TIMM44: variants seen among roughly 807,000 people sequenced by gnomAD.
The protein encoded by TIMM44 is translocase of inner mitochondrial membrane 44.
In TIMM44, 37 loss-of-function variants were observed where a neutral mutation model predicts 63.8. That is an observed-to-expected ratio of 0.58 (90% confidence interval 0.45 to 0.76). TIMM44 has a LOEUF of 0.76. Ranked by LOEUF, TIMM44 falls within the 30% of genes least tolerant of loss-of-function variation. The probability of loss-of-function intolerance (pLI) is 0.00; values close to 1 mark genes in which losing one functional copy is unlikely to be tolerated. For missense variants in TIMM44, 573 were observed against 603.8 expected, an observed-to-expected ratio of 0.95 and a Z score of 0.54; for synonymous variants, 239 against 245.1, an observed-to-expected ratio of 0.98 and a Z score of 0.23.
At chr19:7,931,064 A>G in intron 10 of TIMM44, 74 bp downstream of exon 10, 5 of 1,454,780 alleles carry the variant, frequency 3.4e-6, no homozygotes, top group Non-Finnish European at 1.9e-6. Context: ...CAACGGAGCC[A>G]CCGAAGTGGA....
At chr19:7,929,996 C>A (rs1471926666) in intron 10 of TIMM44, among the ~76,000 whole-genome samples, 4 of 151,126 alleles carry the variant, frequency 2.6e-5, no homozygotes. Context: ...TTACAGGCGC[C>A]CACCACCAGG....
intron 3 of TIMM44, 28 bp from the exon 4 acceptor site, chr19:7,935,173 T>A: frequency 6.5e-7 from 1 of 1,539,422 alleles, no homozygotes; most frequent in Non-Finnish European, 8.9e-7. Context: ...TGTCCTTTTT[T>A]TTTTTTTTTT....
intron 3 of TIMM44, among the ~76,000 whole-genome samples, chr19:7,937,182 G>C (rs1279090906): frequency 6.6e-6 from 1 of 152,092 alleles, no homozygotes; most frequent in Non-Finnish European, 1.5e-5. Flanking sequence ...GGGAGGCTGA[G>C]GCAGGAGAAT....
chr19:7,940,101 C>T (rs1984264902), intron 2 of TIMM44, among the ~76,000 whole-genome samples: 1 of 151,918 alleles, frequency 6.6e-6, no homozygotes, highest in African/African-American at 2.4e-5. Flanking sequence ...CCCGTGGAGT[C>T]ACACACCTGT....
chr19:7,928,116 G>C lies in TIMM44; in HGVS notation c.1089C>G (p.Leu363=). Residue 363 remains leucine, a synonymous_variant, in exon 11 of 13, where the codon CTC becomes CTG. Coordinates refer to ENST00000270538, the MANE Select transcript of TIMM44 (RefSeq NM_006351.4). The stretch of plus-strand genomic sequence containing the variant: ...TGTCTAGGATGCGAGAATGGAACTG[G>C]AGACCCAGTGCCTTGGCCTGCTGGA... ...HPIQQAKALG[L]QFHSRILDID... 1 of 1,614,050 alleles carries C rather than the reference G, an allele frequency of 6.2e-7. No homozygotes were observed. Among genetic ancestry groups the C allele is most frequent in the Non-Finnish European group, 8.5e-7 (1 of 1,179,968 alleles).
At position 7,941,023 on chromosome 19, in the gene TIMM44, A is replaced by C. The variant is rs1210619920; in HGVS notation, c.141+79T>G. 1.5e-5 allele frequency: 18 copies of C among 1,162,800 alleles called. No individual in the cohort carries two copies. The South Asian group carries it at 1.8e-4, about 12-fold the overall frequency. The allele number at this position is 1,162,800 out of a possible 1,614,324, so 72.0% of individuals were successfully genotyped here. On this transcript the variant is annotated intron_variant, in intron 2 of 12. Transcript: ENST00000270538. ...TGGTACGAGCCACCTCTACAGCCCC[A>C]CCCCTCCCTCCTGCCAATGGGATCT... is the stretch of plus-strand genomic sequence containing the variant.
chr19:7,933,648 G>T lies in TIMM44; in HGVS notation c.684-78C>A. The T allele has an allele frequency of 7.2e-7, 1 of 1,393,054 alleles. No individual in the cohort carries two copies. Among genetic ancestry groups the T allele is most frequent in the Non-Finnish European group, 1.0e-6 (1 of 980,322 alleles). The allele number at this position is 1,393,054 out of a possible 1,614,324, so 86.3% of individuals were successfully genotyped here. A position where few individuals can be genotyped will look rare whatever the true frequency, so the allele number is the denominator to read the frequency against. ...GCCCTCCTGCGGCTGCAGGCAGGGG[G>T]CAGTACAGGACAGCAGGCAGCTGAG... On this transcript the variant is annotated intron_variant, in intron 6 of 12. Transcript: ENST00000270538. The surrounding 1 kb of genome is among the most constrained non-coding windows in gnomAD (Gnocchi z 4.3).
intron 3 of TIMM44, among the ~76,000 whole-genome samples, chr19:7,936,015 G>A (rs865841143): frequency 2.0e-5 from 3 of 152,162 alleles, no homozygotes; most frequent in Admixed American, 6.5e-5. Flanking sequence ...TTAGCCAGGC[G>A]TGGTATCCCA....
At chr19:7,938,238 T>A in intron 2 of TIMM44, 41 bp from the exon 3 acceptor site, 1 of 1,540,160 alleles carries the variant, frequency 6.5e-7, no homozygotes, top group African/African-American at 1.4e-5. Flanking sequence ...AAGAACATAG[T>A]AGAACATAGA....
chr19:7,932,559 C>A (rs1319756499), intron 9 of TIMM44, 68 bp downstream of exon 9: 1 of 1,593,450 alleles, frequency 6.3e-7, no homozygotes, highest in East Asian at 2.2e-5. Flanking sequence ...AGGGTGCCGG[C>A]TGCGGCGGGG....
At chr19:7,935,247 C>A (rs1342615121) in intron 3 of TIMM44, 102 bp from the exon 4 acceptor site, 1 of 1,060,780 alleles carries the variant, frequency 9.4e-7, no homozygotes, top group African/African-American at 1.6e-5. Context: ...CTCACTGCAA[C>A]TTCCTCCTGC....
At chr19:7,929,500 C>T (rs1228453295) in intron 10 of TIMM44, among the ~76,000 whole-genome samples, 1 of 152,218 alleles carries the variant, frequency 6.6e-6, no homozygotes, top group African/African-American at 2.4e-5. Context: ...ATGAAAGCTC[C>T]CCCAACTCTT....
chr19:7,936,087 CA>C (rs1455396455), intron 3 of TIMM44, among the ~76,000 whole-genome samples: 2 of 152,118 alleles, frequency 1.3e-5, no homozygotes, highest in East Asian at 3.9e-4. Context: ...ATGGGAAGGT[CA>C]AAACTGCAGT....
intron 2 of TIMM44, among the ~76,000 whole-genome samples, chr19:7,938,431 T>A (rs1984216731): frequency 6.6e-6 from 1 of 152,012 alleles, no homozygotes; most frequent in South Asian, 2.1e-4. Context: ...AAAAATGAGC[T>A]CTCAGCCACT....
In TIMM44 at chr19:7,931,350, C is replaced by T. The variant is rs1300313338; in HGVS notation, c.988-162G>A. 4.2e-6 allele frequency: 3 copies of T among 711,826 alleles called. No homozygotes were observed. The African/African-American group carries it at 5.3e-5, about 13-fold the overall frequency. The allele number at this position is 711,826 out of a possible 1,614,324, so 44.1% of individuals were successfully genotyped here. A position where few individuals can be genotyped will look rare whatever the true frequency, so the allele number is the denominator to read the frequency against. ...GTGGAGCTGTGGCACTGGGTGTCCCCCCCAGGCCCGTCCCTGCTGGTGTCA... is the reference window on the plus strand; with the variant it reads ...GTGGAGCTGTGGCACTGGGTGTCCCTCCCAGGCCCGTCCCTGCTGGTGTCA... On this transcript the variant is annotated intron_variant, in intron 9 of 12. Transcript: ENST00000270538.
rs550367630 is a variant in TIMM44 at position 7,935,904 on chromosome 19, A to G, written c.313-759T>C. Among the ~76,000 whole-genome samples, 4 of 152,316 alleles carry G rather than the reference A, an allele frequency of 2.6e-5. No homozygotes were observed. In the East Asian group the frequency reaches 7.7e-4, roughly 29 times the overall value. Reference sequence around the variant, plus strand: ...GGCTGGGCATGTGAGCTGTAGTCCCAGCTCTTTGGGAAGCTGAGATGGGAG... The same window carrying G: ...GGCTGGGCATGTGAGCTGTAGTCCCGGCTCTTTGGGAAGCTGAGATGGGAG... On this transcript the variant is annotated intron_variant, in intron 3 of 12. Coordinates refer to ENST00000270538, the MANE Select transcript of TIMM44 (RefSeq NM_006351.4).
chr19:7,939,197 T>C (rs1486402576), intron 2 of TIMM44, among the ~76,000 whole-genome samples: 1 of 152,096 alleles, frequency 6.6e-6, no homozygotes, highest in East Asian at 1.9e-4. Context: ...TCCACACTAA[T>C]GCAGGACGTG....
intron 2 of TIMM44, among the ~76,000 whole-genome samples, chr19:7,940,901 G>A (rs1052704428): frequency 1.3e-5 from 2 of 152,024 alleles, no homozygotes; most frequent in Non-Finnish European, 1.5e-5. Flanking sequence ...ACGACATCAA[G>A]CAAGAGGCAG....
Position 7,934,264 on chromosome 19 carries a change from G to T in TIMM44, c.394-26C>A, listed in dbSNP as rs997687822. 2 of 1,609,104 alleles carry T rather than the reference G, an allele frequency of 1.2e-6. No individual in the cohort carries two copies. The highest frequency in any genetic ancestry group is 1.7e-6 in the Non-Finnish European group (2 of 1,179,926). On this transcript the variant is annotated intron_variant, in intron 4 of 12. Transcript: ENST00000270538. The surrounding 1 kb of genome is among the most constrained non-coding windows in gnomAD (Gnocchi z 5.3). ...CTACTGAGACAGACACAGAGAGGGG[G>T]CGTTGGCACCGGCCCTGGCGGCCGG...
Sources: gnomAD v4.1 joint callset for allele counts (sites outside exome capture counted in the v4.1 genomes callset) on GRCh38, gnomAD v4.1.1 for gene constraint, Gnocchi (gnomAD v3.1) non-coding constraint, MANE v1.5 for transcripts, NCBI Gene and HGNC (gene_info 2026-07-23, HGNC 2026-07-21) for gene names.